TFAP2B: variants seen among roughly 807,000 people sequenced by gnomAD.
TFAP2B encodes transcription factor AP-2-beta.
TFAP2B carries 9 observed loss-of-function variants against 44.3 expected under a neutral mutation model. The observed-to-expected ratio is 0.20, with a 90% CI of 0.12 to 0.35. TFAP2B has a LOEUF of 0.35. Ranked by LOEUF, TFAP2B falls within the 10% of genes least tolerant of loss-of-function variation. The pLI is 1.00. For synonymous variants in TFAP2B, 270 were observed against 263.8 expected (o/e 1.02, Z -0.23); for missense variants, 509 against 600.0 (o/e 0.85, Z 1.59).
At chr6:50,830,845 G>C (rs1770652729) in intron 3 of TFAP2B, among the ~76,000 whole-genome samples, 1 of 152,226 alleles carries the variant, frequency 6.6e-6, no homozygotes, top group African/African-American at 2.4e-5. Flanking sequence ...GTTTCCAAGA[G>C]ATGAATTTTG....
At chr6:50,830,114 GGTT>G (rs1770634579) in intron 3 of TFAP2B, among the ~76,000 whole-genome samples, 1 of 152,068 alleles carries the variant, frequency 6.6e-6, no homozygotes, top group South Asian at 2.1e-4. Flanking sequence ...GTTAATTGCT[GGTT>G]GATTAGGGTG....
intron 4 of TFAP2B, among the ~76,000 whole-genome samples, chr6:50,837,311 T>G (rs1236378129): frequency 6.6e-6 from 1 of 152,206 alleles, no homozygotes; most frequent in Admixed American, 6.5e-5. Flanking sequence ...TTCAAGTGAG[T>G]GCTTTGAGCC....
chr6:50,832,270 T>C (rs1187687117), intron 3 of TFAP2B, among the ~76,000 whole-genome samples: 3 of 152,188 alleles, frequency 2.0e-5, no homozygotes, highest in Non-Finnish European at 1.5e-5. Context: ...CTCCAAGTGC[T>C]GAAACTGAGA....
intron 3 of TFAP2B, among the ~76,000 whole-genome samples, chr6:50,830,834 T>A (rs892085321): frequency 6.6e-6 from 1 of 152,202 alleles, no homozygotes; most frequent in Non-Finnish European, 1.5e-5. Context: ...TTATGAGAGA[T>A]GTTTCCAAGA....
chr6:50,833,429 A>C (rs1219318106), intron 3 of TFAP2B, among the ~76,000 whole-genome samples: 1 of 152,180 alleles, frequency 6.6e-6, no homozygotes, highest in Admixed American at 6.5e-5. Flanking sequence ...TGAGGATAGG[A>C]GGCTGGGAAC....
intron 6 of TFAP2B, among the ~76,000 whole-genome samples, chr6:50,842,382 G>T (rs1001039192): frequency 6.6e-6 from 1 of 152,160 alleles, no homozygotes; most frequent in South Asian, 2.1e-4. Flanking sequence ...ATCCTCCCTA[G>T]TGTCTTAACA....
At chr6:50,822,057 C>A (rs943010852) in intron 1 of TFAP2B, 2 of 1,077,268 alleles carry the variant, frequency 1.9e-6, no homozygotes, top group Admixed American at 2.4e-5. Flanking sequence ...GTGTCCAGCT[C>A]GCTTCTCTGC....
At chr6:50,842,603 A>G (rs771083108) in intron 6 of TFAP2B, among the ~76,000 whole-genome samples, 10 of 152,220 alleles carry the variant, frequency 6.6e-5, no homozygotes, top group Non-Finnish European at 7.3e-5. Context: ...GCCCTGGGCC[A>G]TGGAAGGCTC....
At chr6:50,839,683 G>A (rs1308820895) in intron 5 of TFAP2B, among the ~76,000 whole-genome samples, 3 of 152,152 alleles carry the variant, frequency 2.0e-5, no homozygotes, top group Non-Finnish European at 2.9e-5. Flanking sequence ...TTTACATATA[G>A]TGTTTAATAT....
chr6:50,844,930 G>T lies in TFAP2B; in HGVS notation c.*1538G>T, dbSNP rs1762814386. On this transcript the variant is annotated 3_prime_UTR_variant, in exon 7 of 7. Transcript: ENST00000393655. The stretch of plus-strand genomic sequence containing the variant: ...AATGGCAAAATAATGCAAAGTGAAG[G>T]GAGATGTATTTCAGCTTTGATTTTT... 1 of 152,204 alleles carries T rather than the reference G, an allele frequency of 6.6e-6. No homozygotes were observed. Among genetic ancestry groups the T allele is most frequent in the South Asian group, 2.1e-4 (1 of 4,830 alleles). The allele number at this position is 152,204 out of a possible 1,614,324, so 9.4% of individuals were successfully genotyped here.
intron 1 of TFAP2B, among the ~76,000 whole-genome samples, chr6:50,823,046 A>G (rs986650661): frequency 2.6e-5 from 4 of 152,202 alleles, no homozygotes; most frequent in African/African-American, 9.7e-5. Context: ...TACAATTTTA[A>G]TTAAGGCATT....
Position 50,843,450 on chromosome 6 carries a change from A to C in TFAP2B, c.*58A>C, listed in dbSNP as rs1446080905. On this transcript the variant is annotated 3_prime_UTR_variant, in exon 7 of 7. Transcript: ENST00000393655. ...AAATACAAAAGGAAAAACAGACAAAAATTTAATTTTAGCTTTAAAATATTG... is the reference window on the plus strand; with the variant it reads ...AAATACAAAAGGAAAAACAGACAAACATTTAATTTTAGCTTTAAAATATTG... 6.5e-7 allele frequency: 1 copy of C among 1,532,920 alleles called. No individual in the cohort carries two copies. The highest frequency in any genetic ancestry group is 1.4e-5 in the African/African-American group (1 of 71,688). 95.0% of individuals were successfully genotyped at this position (1,532,920 alleles called of 1,614,324 possible).
intron 1 of TFAP2B, chr6:50,822,014 G>C: frequency 2.3e-6 from 1 of 434,118 alleles, no homozygotes; most frequent in South Asian, 2.4e-5. Context: ...TTTTTTGATG[G>C]CTTGTCCTGG....
chr6:50,840,451 TG>T (rs368504922), intron 6 of TFAP2B, among the ~76,000 whole-genome samples, 154 bp downstream of exon 6: 91 of 152,322 alleles, frequency 6.0e-4, no homozygotes, highest in African/African-American at 2.1e-3. Context: ...GCAGAGTTGA[TG>T]GGCTACAGGT....
intron 2 of TFAP2B, among the ~76,000 whole-genome samples, chr6:50,824,558 T>C (rs1009281602): frequency 9.2e-5 from 14 of 152,316 alleles, no homozygotes; most frequent in African/African-American, 2.9e-4. Flanking sequence ...ATTTTGGAAA[T>C]TCTTTTCACT....
chr6:50,825,986 G>A (rs1770493052), intron 2 of TFAP2B, among the ~76,000 whole-genome samples: 1 of 152,172 alleles, frequency 6.6e-6, no homozygotes, highest in Non-Finnish European at 1.5e-5. Flanking sequence ...ACTGATGCAG[G>A]GCAGGTGACA....
chr6:50,843,792 C>A lies in TFAP2B; in HGVS notation c.*400C>A. ...AACGTTGGTGTCAATGCTTTGAGAGCTGGTTGACTGAGACGCACGAACTTT... is the reference window on the plus strand; with the variant it reads ...AACGTTGGTGTCAATGCTTTGAGAGATGGTTGACTGAGACGCACGAACTTT... On this transcript the variant is annotated 3_prime_UTR_variant, in exon 7 of 7. Transcript: ENST00000393655. 1 of 170,240 alleles carries A rather than the reference C, an allele frequency of 5.9e-6. No individual in the cohort carries two copies. 10.5% of individuals were successfully genotyped at this position (170,240 alleles called of 1,614,324 possible). A position where few individuals can be genotyped will look rare whatever the true frequency, so the allele number is the denominator to read the frequency against.
Position 50,843,073 on chromosome 6 carries a change from C to T in TFAP2B, c.1083-19C>T, listed in dbSNP as rs1561967370. Reference sequence around the variant, plus strand: ...CGACACTGAGGGTGATTTTCTGTGCCTCGCCCACCCCTTTGCAGGCAACTT... The same window carrying T: ...CGACACTGAGGGTGATTTTCTGTGCTTCGCCCACCCCTTTGCAGGCAACTT... On this transcript the variant is annotated intron_variant, in intron 6 of 6. Transcript: ENST00000393655. 4 of 1,614,190 alleles carry T rather than the reference C, an allele frequency of 2.5e-6. No homozygotes were observed. Among genetic ancestry groups the T allele is most frequent in the East Asian group, 2.2e-5 (1 of 44,878 alleles).
At chr6:50,821,869 C>T (rs1770358055) in intron 1 of TFAP2B, 3 of 305,402 alleles carry the variant, frequency 9.8e-6, no homozygotes, top group South Asian at 8.9e-5. Context: ...AAGAGGACTG[C>T]ATCTGGAGCC....
Sources: gnomAD v4.1 joint callset for allele counts (sites outside exome capture counted in the v4.1 genomes callset) on GRCh38, gnomAD v4.1.1 for gene constraint, MANE v1.5 for transcripts, NCBI Gene and HGNC (gene_info 2026-07-23, HGNC 2026-07-21) for gene names.